Variants in TRPS1 observed in about 807,000 individuals in gnomAD.
The protein encoded by TRPS1 is zinc finger transcription factor Trps1.
TRPS1 carries 6 observed loss-of-function variants against 101.2 expected under a neutral mutation model. The observed-to-expected ratio is 0.06, with a 90% CI of 0.03 to 0.12. The LOEUF (loss-of-function observed/expected upper bound fraction) is 0.12, where lower values mean the gene tolerates loss of function less well. TRPS1 is among the 10% of genes least tolerant of loss of function. TRPS1 has a pLI of 1.00. For synonymous variants in TRPS1, 578 were observed against 589.8 expected (o/e 0.98, Z 0.29); for missense variants, 1,363 against 1,567.0 (o/e 0.87, Z 2.20).
rs751313405 is a variant in TRPS1 at position 115,587,539 on chromosome 8, A to T, written c.2162T>A (p.Leu721Gln). The change falls in exon 5 of 7, where the codon CTG (leucine) becomes CAG (glutamine). Residue 721 changes from leucine to glutamine, a missense_variant. Physicochemically the swap from Leu to Gln is moderately radical, Grantham distance 113. Around this residue, in one of 5 missense-constraint regions of TRPS1, gnomAD observed 1,020 missense variants for 1,073.0 expected, o/e 0.95. Transcript: ENST00000395715. The part of the protein sequence containing the change: ...SFTAADTQSL[L>Q]EHFNTVHCQE... ...GCAGTGAACAGTGTTGAAGTGCTCC[A>T]GTAGTGACTGAGTATCGGCAGCTGT... The T allele has an allele frequency of 6.2e-7, 1 of 1,614,188 alleles. No individual in the cohort carries two copies. Among genetic ancestry groups the T allele is most frequent in the Non-Finnish European group, 8.5e-7 (1 of 1,180,018 alleles).
At chr8:115,503,001 C>G (rs1049927243) in intron 5 of TRPS1, among the ~76,000 whole-genome samples, 2 of 152,088 alleles carry the variant, frequency 1.3e-5, no homozygotes, top group African/African-American at 4.8e-5. Context: ...TGGTGGCTCA[C>G]GCCTGTAATC....
At chr8:115,446,667 A>G (rs192700781) in intron 5 of TRPS1, among the ~76,000 whole-genome samples, 74 of 152,286 alleles carry the variant, frequency 4.9e-4, no homozygotes, top group Admixed American at 2.1e-3. Context: ...TTCTCGCTCT[A>G]TCCATGGCTA....
intron 5 of TRPS1, among the ~76,000 whole-genome samples, chr8:115,448,016 T>C (rs1563737976): frequency 6.6e-6 from 1 of 152,190 alleles, no homozygotes; most frequent in Non-Finnish European, 1.5e-5. Context: ...CTTGCCATGA[T>C]GACTAACATA....
At chr8:115,454,825 A>G (rs991824874) in intron 5 of TRPS1, among the ~76,000 whole-genome samples, 1 of 152,050 alleles carries the variant, frequency 6.6e-6, no homozygotes, top group Non-Finnish European at 1.5e-5. Flanking sequence ...GTTTCATTTT[A>G]AAACTCTGTA....
chr8:115,617,530 T>C (rs910458041), intron 3 of TRPS1, among the ~76,000 whole-genome samples: 1 of 152,190 alleles, frequency 6.6e-6, no homozygotes, highest in Non-Finnish European at 1.5e-5. Flanking sequence ...TTTTTAGAGT[T>C]TTCCCTGACA....
At chr8:115,653,742 A>G (rs556641824) in intron 1 of TRPS1, among the ~76,000 whole-genome samples, 1 of 152,318 alleles carries the variant, frequency 6.6e-6, no homozygotes, top group African/African-American at 2.4e-5. Flanking sequence ...ATCCATGCAA[A>G]TGGAAGTACA....
chr8:115,634,759 CCT>C (rs1818728289), intron 1 of TRPS1, among the ~76,000 whole-genome samples: 1 of 151,546 alleles, frequency 6.6e-6, no homozygotes, highest in Non-Finnish European at 1.5e-5. Context: ...TTAAGAATGC[CCT>C]GTTTTAACAT....
At chr8:115,519,722 T>C (rs1377355110) in intron 5 of TRPS1, among the ~76,000 whole-genome samples, 1 of 151,370 alleles carries the variant, frequency 6.6e-6, no homozygotes, top group Admixed American at 6.6e-5. Context: ...AATAACAATA[T>C]GGAAAGAAAT....
intron 5 of TRPS1, among the ~76,000 whole-genome samples, chr8:115,544,848 A>G (rs962500408): frequency 6.6e-6 from 1 of 151,526 alleles, no homozygotes; most frequent in Non-Finnish European, 1.5e-5. Context: ...ACTTAACTAC[A>G]GGAGAAGGAG....
At position 115,500,987 on chromosome 8, in the gene TRPS1, T is replaced by G. The variant is rs1417470803; in HGVS notation, c.2701-82535A>C. Among the ~76,000 whole-genome samples the G allele has an allele frequency of 6.3e-4, 9 of 14,254 alleles. No homozygotes were observed. In the Admixed American group the frequency reaches 1.0e-2, roughly 16 times the overall value. The allele number at this position is 14,254 out of a possible 152,430, so 9.4% of individuals were successfully genotyped here. A position where few individuals can be genotyped will look rare whatever the true frequency, so the allele number is the denominator to read the frequency against. Reference sequence around the variant, plus strand: ...GACATTCTTCCCATGTGTATGTAGATCTTTCTATAGGTAATTTATTCATCT... The same window carrying G: ...GACATTCTTCCCATGTGTATGTAGAGCTTTCTATAGGTAATTTATTCATCT... On this transcript the variant is annotated intron_variant, in intron 5 of 6. Transcript: ENST00000395715.
chr8:115,555,182 A>G (rs1193376111), intron 5 of TRPS1, among the ~76,000 whole-genome samples: 3 of 152,194 alleles, frequency 2.0e-5, no homozygotes, highest in Non-Finnish European at 4.4e-5. Flanking sequence ...TTCCTAAATG[A>G]TAATCCAATT....
chr8:115,642,221 GAA>G (rs1192863124), intron 1 of TRPS1, among the ~76,000 whole-genome samples: 1 of 22,310 alleles, frequency 4.5e-5, no homozygotes, highest in Non-Finnish European at 7.8e-5. Context: ...CTCAAAAAAA[GAA>G]AAAAAAAAGA....
chr8:115,448,194 C>A (rs1183156280), intron 5 of TRPS1, among the ~76,000 whole-genome samples: 1 of 152,190 alleles, frequency 6.6e-6, no homozygotes, highest in East Asian at 1.9e-4. Flanking sequence ...AAACAGACAT[C>A]AGGTTCACAG....
At chr8:115,433,996 A>G (rs1397293287) in intron 5 of TRPS1, among the ~76,000 whole-genome samples, 1 of 152,042 alleles carries the variant, frequency 6.6e-6, no homozygotes, top group East Asian at 1.9e-4. Context: ...ACCTGAGTAG[A>G]TTTAGGATTA....
chr8:115,478,537 C>T (rs936993115), intron 5 of TRPS1, among the ~76,000 whole-genome samples: 1 of 152,106 alleles, frequency 6.6e-6, no homozygotes, highest in Non-Finnish European at 1.5e-5. Flanking sequence ...GGCACAGTGG[C>T]TCATGCCTGT....
chr8:115,458,676 G>C (rs1348109913), intron 5 of TRPS1, among the ~76,000 whole-genome samples: 1 of 152,206 alleles, frequency 6.6e-6, no homozygotes, highest in Non-Finnish European at 1.5e-5. Context: ...GCACCTGCTA[G>C]TATGGCGTCC....
At chr8:115,617,180 A>C (rs1818293718) in intron 3 of TRPS1, among the ~76,000 whole-genome samples, 2 of 152,222 alleles carry the variant, frequency 1.3e-5, no homozygotes, top group African/African-American at 4.8e-5. Flanking sequence ...TATTTTTAAC[A>C]GTATTATTTA....
Position 115,414,767 on chromosome 8 carries a change from A to G in TRPS1, c.3141T>C (p.Pro1047=). 6.2e-7 allele frequency: 1 copy of G among 1,614,034 alleles called. No individual in the cohort carries two copies. Among genetic ancestry groups the G allele is most frequent in the South Asian group, 1.1e-5 (1 of 91,074 alleles). Residue 1047 remains proline (P), a synonymous_variant, in exon 7 of 7, where the codon CCT becomes CCC. Coordinates refer to ENST00000395715, the MANE Select transcript of TRPS1 (RefSeq NM_014112.5). This position sits in a 1 kb window ranked among gnomAD's most constrained non-coding sequence, Gnocchi z 4.8. ...GAGGACTTTTTATCTGAATGTGCAA[A>G]GGTTGCATCCTTTTGTGAATATCCA... ...QTLDIHKRMQ[P]LHIQIKSPQE... is the part of the protein sequence containing the mutation.
intron 4 of TRPS1, among the ~76,000 whole-genome samples, chr8:115,597,196 G>T (rs1033628523): frequency 6.6e-6 from 1 of 151,870 alleles, no homozygotes; most frequent in Non-Finnish European, 1.5e-5. Flanking sequence ...TAGTCACTGG[G>T]AATATGAACA....
Sources: allele counts gnomAD v4.1 joint callset (sites outside exome capture counted in the v4.1 genomes callset), GRCh38; gene constraint gnomAD v4.1.1; regional missense constraint gnomAD v4.1.1; non-coding constraint Gnocchi (gnomAD v3.1); transcripts MANE v1.5; gene names NCBI Gene and HGNC (gene_info 2026-07-23, HGNC 2026-07-21).